Variants in UNC5D observed in about 807,000 individuals in gnomAD.
UNC5D encodes the protein netrin receptor UNC5D.
Under a neutral mutation model 105.4 loss-of-function variants are expected in UNC5D, and 39 were observed. The observed-to-expected ratio is 0.37, with a 90% CI of 0.29 to 0.48. The LOEUF (loss-of-function observed/expected upper bound fraction) is 0.48. Among genes scored for constraint, UNC5D ranks in the 20% least tolerant of loss-of-function variants. The probability of loss-of-function intolerance (pLI) is 0.98; values close to 1 mark genes in which losing one functional copy is unlikely to be tolerated. For missense variants in UNC5D, 991 were observed against 1,202.4 expected, an observed-to-expected ratio of 0.82 and a Z score of 2.60; for synonymous variants, 452 against 450.4, an observed-to-expected ratio of 1.00 and a Z score of -0.04.
chr8:35,358,863 T>C (rs955698218), intron 1 of UNC5D, among the ~76,000 whole-genome samples: 1 of 152,226 alleles, frequency 6.6e-6, no homozygotes, highest in African/African-American at 2.4e-5. Flanking sequence ...TTGGTATTTT[T>C]GTGGAGCCAA....
chr8:35,557,336 T>C (rs535378633), intron 2 of UNC5D, among the ~76,000 whole-genome samples: 1 of 152,106 alleles, frequency 6.6e-6, no homozygotes, highest in South Asian at 2.1e-4. Context: ...ATACGTGGAG[T>C]GCTTATTATC....
At chr8:35,732,857 A>G (rs1829270520) in intron 11 of UNC5D, among the ~76,000 whole-genome samples, 1 of 152,114 alleles carries the variant, frequency 6.6e-6, no homozygotes, top group African/African-American at 2.4e-5. Flanking sequence ...TTTACAACTT[A>G]CCTGCAATTT....
intron 4 of UNC5D, among the ~76,000 whole-genome samples, chr8:35,610,736 G>A (rs1468491299): frequency 6.6e-6 from 1 of 152,114 alleles, no homozygotes; most frequent in African/African-American, 2.4e-5. Context: ...AGATCACATT[G>A]TCAAAACAGG....
Position 35,792,701 on chromosome 8 carries a change from T to A in UNC5D, c.*2138T>A. 4.1e-6 allele frequency: 1 copy of A among 241,448 alleles called. No individual in the cohort carries two copies. Among genetic ancestry groups the A allele is most frequent in the Non-Finnish European group, 8.1e-6 (1 of 123,120 alleles). The allele number at this position is 241,448 out of a possible 1,614,324, so 15.0% of individuals were successfully genotyped here. A position where few individuals can be genotyped will look rare whatever the true frequency, so the allele number is the denominator to read the frequency against. On this transcript the variant is annotated 3_prime_UTR_variant, in exon 17 of 17. Coordinates refer to ENST00000404895, the MANE Select transcript of UNC5D (RefSeq NM_080872.4). ...TGAGTAAAAACTTGTAGAAAGCACA[T>A]TATAGAGCTTATGTTGGAATCCATC...
chr8:35,597,523 A>G (rs1224704590), intron 4 of UNC5D, among the ~76,000 whole-genome samples: 2 of 152,166 alleles, frequency 1.3e-5, no homozygotes, highest in Non-Finnish European at 2.9e-5. Flanking sequence ...TGTTTTATGC[A>G]TAAAAATGTC....
At chr8:35,521,372 TAATC>T (rs1429856599) in intron 1 of UNC5D, among the ~76,000 whole-genome samples, 1 of 152,158 alleles carries the variant, frequency 6.6e-6, no homozygotes, top group Non-Finnish European at 1.5e-5. Flanking sequence ...GATGTTAAAT[TAATC>T]CTGCTATTCA....
intron 1 of UNC5D, among the ~76,000 whole-genome samples, chr8:35,420,493 C>A (rs1805827401): frequency 6.6e-6 from 1 of 152,116 alleles, no homozygotes; most frequent in Admixed American, 6.5e-5. Flanking sequence ...GAAGTAAGCT[C>A]TGAAAATGAA....
chr8:35,484,382 C>T (rs1810693494), intron 1 of UNC5D, among the ~76,000 whole-genome samples: 1 of 152,156 alleles, frequency 6.6e-6, no homozygotes, highest in South Asian at 2.1e-4. Context: ...CTCTTTTGCT[C>T]ACCCCACACC....
At chr8:35,597,859 C>G (rs998531494) in intron 4 of UNC5D, among the ~76,000 whole-genome samples, 1 of 152,144 alleles carries the variant, frequency 6.6e-6, no homozygotes, top group Non-Finnish European at 1.5e-5. Context: ...CCAAAGCACT[C>G]CAGGTAAATG....
At chr8:35,775,823 C>T (rs1424337421) in intron 16 of UNC5D, among the ~76,000 whole-genome samples, 1 of 151,988 alleles carries the variant, frequency 6.6e-6, no homozygotes, top group Non-Finnish European at 1.5e-5. Flanking sequence ...CAGTCAGGCT[C>T]AGAGAGGAAA....
chr8:35,547,375 T>G (rs992578772), intron 1 of UNC5D, among the ~76,000 whole-genome samples: 2 of 150,924 alleles, frequency 1.3e-5, no homozygotes, highest in South Asian at 4.2e-4. Context: ...CTTGGCTCAC[T>G]GCAACCTCTG....
chr8:35,520,288 T>C lies in UNC5D; in HGVS notation c.104-29004T>C, dbSNP rs561042085. On this transcript the variant is annotated intron_variant, in intron 1 of 16. Transcript: ENST00000404895. ...TCGATAAACCTTGAAAATACTATGC[T>C]AAGTGAAAGAGGCCAGTCGCAAATG... 1.7e-4 allele frequency among the ~76,000 whole-genome samples: 26 copies of C among 152,248 alleles called. No individual in the cohort carries two copies. In the East Asian group the frequency reaches 4.4e-3, roughly 26 times the overall value.
chr8:35,640,638 G>A (rs1822650051), intron 4 of UNC5D, among the ~76,000 whole-genome samples: 1 of 152,094 alleles, frequency 6.6e-6, no homozygotes. Flanking sequence ...CGCAGTGGAA[G>A]ATTAAGGTAA....
intron 3 of UNC5D, among the ~76,000 whole-genome samples, chr8:35,583,482 G>C (rs192220473): frequency 6.6e-6 from 1 of 152,196 alleles, no homozygotes; most frequent in East Asian, 1.9e-4. Flanking sequence ...TCCAGGCTCT[G>C]ATCTTTTGTT....
intron 1 of UNC5D, among the ~76,000 whole-genome samples, chr8:35,432,151 T>G (rs1319815279): frequency 2.6e-5 from 4 of 152,164 alleles, no homozygotes; most frequent in Non-Finnish European, 5.9e-5. Flanking sequence ...AATCTCAGTT[T>G]ATTTATCTAT....
intron 1 of UNC5D, among the ~76,000 whole-genome samples, chr8:35,290,608 A>G (rs1453707676): frequency 1.3e-5 from 2 of 152,190 alleles, no homozygotes; most frequent in Non-Finnish European, 2.9e-5. Flanking sequence ...AATGTATTAT[A>G]TACTTCAAAG....
chr8:35,250,871 C>A (rs1214708932), intron 1 of UNC5D, among the ~76,000 whole-genome samples: 2 of 152,074 alleles, frequency 1.3e-5, no homozygotes, highest in Non-Finnish European at 2.9e-5. Context: ...TCTTTATGTC[C>A]ATGTGTACCC....
rs1370298168 is a variant in UNC5D at position 35,793,084 on chromosome 8, T to C, written c.*2521T>C. On this transcript the variant is annotated 3_prime_UTR_variant, in exon 17 of 17. Coordinates refer to ENST00000404895, the MANE Select transcript of UNC5D (RefSeq NM_080872.4). The stretch of plus-strand genomic sequence containing the variant: ...GACTTCAGCCTAAGATTCAATCAAA[T>C]TCATCCTTCAGCCTGTCTTGTTTCT... 11 of 453,504 alleles carry C rather than the reference T, an allele frequency of 2.4e-5. No homozygotes were observed. The highest frequency in any genetic ancestry group is 1.6e-4 in the African/African-American group (8 of 49,906). 28.1% of individuals were successfully genotyped at this position (453,504 alleles called of 1,614,324 possible).
At chr8:35,401,649 T>C (rs534482126) in intron 1 of UNC5D, among the ~76,000 whole-genome samples, 3 of 152,266 alleles carry the variant, frequency 2.0e-5, no homozygotes, top group East Asian at 1.9e-4. Flanking sequence ...TTCAACCTTA[T>C]TCCTCTCTTT....
Sources: gnomAD v4.1 joint callset for allele counts (sites outside exome capture counted in the v4.1 genomes callset) on GRCh38, gnomAD v4.1.1 for gene constraint, MANE v1.5 for transcripts, NCBI Gene and HGNC (gene_info 2026-07-23, HGNC 2026-07-21) for gene names.